The following ITIH5 variants were observed in gnomAD, a reference collection of about 807,000 sequenced individuals.
ITIH5 encodes inter-alpha-trypsin inhibitor heavy chain H5.
Under a neutral mutation model 77.5 loss-of-function variants are expected in ITIH5, and 65 were observed. The observed-to-expected ratio is 0.84, with a 90% CI of 0.69 to 1.03. The LOEUF is 1.03. Ranked by LOEUF, ITIH5 falls within the 50% of genes least tolerant of loss-of-function variation. The probability of loss-of-function intolerance (pLI) is 0.00; values close to 1 mark genes in which losing one functional copy is unlikely to be tolerated. For missense variants in ITIH5, 1,208 were observed against 1,213.1 expected (o/e 1.00, Z 0.06); for synonymous variants, 525 against 494.3 (o/e 1.06, Z -0.82).
rs1588350677 is a variant in ITIH5 at position 7,562,305 on chromosome 10, G to A, written c.*778C>T. ...ACATGCCAGTAAAATCAACCACATG[G>A]AGTTGTCCTGTGTATGAAAAGCCCT... On this transcript the variant is annotated 3_prime_UTR_variant, in exon 14 of 14. Transcript: ENST00000397146. 6.6e-6 allele frequency: 1 copy of A among 152,292 alleles called. No individual in the cohort carries two copies. The highest frequency in any genetic ancestry group is 1.9e-4 in the East Asian group (1 of 5,192). The allele number at this position is 152,292 out of a possible 1,614,324, so 9.4% of individuals were successfully genotyped here. A position where few individuals can be genotyped will look rare whatever the true frequency, so the allele number is the denominator to read the frequency against.
intron 5 of ITIH5, chr10:7,620,375 A>G (rs961671863): frequency 6.6e-6 from 1 of 152,230 alleles, no homozygotes; most frequent in Non-Finnish European, 1.5e-5. Flanking sequence ...CCATCTGCAT[A>G]AAGTTCAAGA....
chr10:7,639,366 C>A (rs779271694), intron 4 of ITIH5, among the ~76,000 whole-genome samples: 3 of 152,184 alleles, frequency 2.0e-5, no homozygotes, highest in African/African-American at 7.2e-5. Context: ...TTAGAAACTA[C>A]GACATTAAGA....
rs1416634096 is a variant in ITIH5, at chr10:7,644,652, TCA to T, written c.136-2564_136-2563del. On this transcript the variant is annotated intron_variant, in intron 2 of 13. Coordinates refer to ENST00000397146, the MANE Select transcript of ITIH5 (RefSeq NM_030569.7). ...ATATATCACATATATATCATATATA[TCA>T]CATATATATCATATATATCACATAT... is the stretch of plus-strand genomic sequence containing the variant. Among the ~76,000 whole-genome samples the T allele has an allele frequency of 3.7e-5, 5 of 135,764 alleles. 1 individual carries two copies. Among genetic ancestry groups the T allele is most frequent in the South Asian group, 2.4e-4 (1 of 4,184 alleles). The allele number at this position is 135,764 out of a possible 152,430, so 89.1% of individuals were successfully genotyped here. A position where few individuals can be genotyped will look rare whatever the true frequency, so the allele number is the denominator to read the frequency against.
intron 5 of ITIH5, among the ~76,000 whole-genome samples, chr10:7,623,539 C>T (rs1406320277): frequency 2.0e-5 from 3 of 151,948 alleles, no homozygotes; most frequent in Admixed American, 6.6e-5. Context: ...CGTGGTGGCT[C>T]ACGCCTGTAA....
At chr10:7,564,838 C>G (rs1426422378) in intron 13 of ITIH5, among the ~76,000 whole-genome samples, 1 of 149,990 alleles carries the variant, frequency 6.7e-6, no homozygotes, top group Admixed American at 6.6e-5. Context: ...AGACTGTATA[C>G]ATACATACAT....
At chr10:7,594,053 C>T (rs1362656596) in intron 7 of ITIH5, among the ~76,000 whole-genome samples, 1 of 152,228 alleles carries the variant, frequency 6.6e-6, no homozygotes, top group African/African-American at 2.4e-5. Flanking sequence ...TGAAGACGAA[C>T]TGAAATGCAG....
chr10:7,631,548 C>T (rs1336705410), intron 5 of ITIH5, among the ~76,000 whole-genome samples: 2 of 152,168 alleles, frequency 1.3e-5, no homozygotes, highest in African/African-American at 2.4e-5. Context: ...GACTGTATTA[C>T]GAAGACTGCA....
In ITIH5 at chr10:7,579,737, C is replaced by T. The variant is rs747943369; in HGVS notation, c.1418+18G>A. 1.6e-5 allele frequency: 26 copies of T among 1,608,628 alleles called. No homozygotes were observed. The highest frequency in any genetic ancestry group is 1.6e-4 in the Middle Eastern group (1 of 6,074). ...CCCCTCAAACAGCCTCTCATGCCTA[C>T]GAAGACAGACCACAGACCCGATGAG... is the stretch of plus-strand genomic sequence containing the variant. On this transcript the variant is annotated intron_variant, in intron 9 of 13. Transcript: ENST00000397146.
At chr10:7,573,365 G>A (rs1307206969) in intron 10 of ITIH5, among the ~76,000 whole-genome samples, 170 bp from the exon 11 acceptor site, 1 of 151,666 alleles carries the variant, frequency 6.6e-6, no homozygotes, top group East Asian at 1.9e-4. Context: ...AGGGAGCTTG[G>A]CCTCAAAACA....
Position 7,666,883 on chromosome 10 carries a change from G to T in ITIH5, c.10C>A (p.Leu4Met). The change falls in exon 1 of 14, where the codon CTG becomes ATG. Residue 4 changes from leucine to methionine, a missense_variant. Physicochemically the swap from Leu to Met is conservative, Grantham distance 15. Transcript: ENST00000397146. The part of the protein sequence containing the change: MLL[L>M]LGLCLGLSLC... The stretch of plus-strand genomic sequence containing the variant: ...GACAGCCCCAGGCACAGCCCCAGCA[G>T]CAGGAGCATGGCGGGGCGAGGGCGC... 1 of 1,593,338 alleles carries T rather than the reference G, an allele frequency of 6.3e-7. No individual in the cohort carries two copies.
intron 10 of ITIH5, 43 bp from the exon 11 acceptor site, chr10:7,573,238 G>A: frequency 6.5e-7 from 1 of 1,542,700 alleles, no homozygotes; most frequent in Non-Finnish European, 9.0e-7. Flanking sequence ...ATTCCTTAAA[G>A]AAGATGAAGA....
chr10:7,565,394 A>G (rs567395879), intron 13 of ITIH5, among the ~76,000 whole-genome samples: 1 of 147,934 alleles, frequency 6.8e-6, no homozygotes, highest in Admixed American at 6.7e-5. Flanking sequence ...ATACACACAT[A>G]TCATGCACAC....
chr10:7,648,423 G>A (rs1364101621), intron 2 of ITIH5, among the ~76,000 whole-genome samples: 2 of 152,184 alleles, frequency 1.3e-5, no homozygotes, highest in African/African-American at 4.8e-5. Context: ...TGTACACATT[G>A]AAGATAGAGG....
intron 7 of ITIH5, among the ~76,000 whole-genome samples, chr10:7,604,327 CA>C (rs1299178730): frequency 6.6e-6 from 1 of 152,172 alleles, no homozygotes; most frequent in Non-Finnish European, 1.5e-5. Flanking sequence ...CCAGCTTCAT[CA>C]GGGGTCTCAG....
chr10:7,564,985 TCATA>T (rs1283039360), intron 13 of ITIH5, among the ~76,000 whole-genome samples: 3 of 136,194 alleles, frequency 2.2e-5, no homozygotes, highest in South Asian at 2.2e-4. Flanking sequence ...ACACACACGT[TCATA>T]CATATAGACT....
chr10:7,572,539 A>C, intron 11 of ITIH5: 1 of 1,167,236 alleles, frequency 8.6e-7, no homozygotes, highest in South Asian at 1.5e-5. Context: ...TCTAAACTCA[A>C]TGAGGGTCAG....
chr10:7,649,253 T>G (rs909624965), intron 2 of ITIH5, among the ~76,000 whole-genome samples: 5 of 151,972 alleles, frequency 3.3e-5, no homozygotes, highest in Admixed American at 1.3e-4. Flanking sequence ...TCTTCCTCCT[T>G]TCTTCTTTCT....
intron 10 of ITIH5, among the ~76,000 whole-genome samples, chr10:7,575,720 G>A (rs764836676): frequency 3.9e-5 from 6 of 152,032 alleles, no homozygotes; most frequent in African/African-American, 9.7e-5. Flanking sequence ...ACATGCTCTC[G>A]GGGAAATAAA....
intron 7 of ITIH5, among the ~76,000 whole-genome samples, chr10:7,599,415 A>G (rs2131003029): frequency 6.6e-6 from 1 of 152,318 alleles, no homozygotes; most frequent in East Asian, 1.9e-4. Context: ...GGTGTCTCCC[A>G]TCCGCTGTTC....
Sources: allele counts gnomAD v4.1 joint callset (sites outside exome capture counted in the v4.1 genomes callset), GRCh38; gene constraint gnomAD v4.1.1; transcripts MANE v1.5; gene names NCBI Gene and HGNC (gene_info 2026-07-23, HGNC 2026-07-21).